EFEMP1: variants seen among roughly 807,000 people sequenced by gnomAD.
The protein encoded by EFEMP1 is EGF-containing fibulin-like extracellular matrix protein 1.
In EFEMP1, 18 loss-of-function variants were observed where a neutral mutation model predicts 65.7. The ratio of observed to expected loss-of-function variants is 0.27; its 90% CI spans 0.19 to 0.41. The LOEUF (loss-of-function observed/expected upper bound fraction) is 0.41. Among genes scored for constraint, EFEMP1 ranks in the 10% least tolerant of loss-of-function variants. The pLI is 1.00. For synonymous variants in EFEMP1, 237 were observed against 219.7 expected (o/e 1.08, Z -0.70); for missense variants, 469 against 624.8 (o/e 0.75, Z 2.66).
rs1670969711 is a variant in EFEMP1, at chr2:55,923,208, A to G, written c.-48-269T>C. On this transcript the variant is annotated intron_variant, in intron 1 of 11. Transcript: ENST00000355426. This position sits in a 1 kb window ranked among gnomAD's most constrained non-coding sequence, Gnocchi z 5.3. Reference sequence around the variant, plus strand: ...TTTGTCTTATCAGTCTGGGTCCCCGACACGCTACCTTCGGTTTCAGGCTGC... The same window carrying G: ...TTTGTCTTATCAGTCTGGGTCCCCGGCACGCTACCTTCGGTTTCAGGCTGC... Among the ~76,000 whole-genome samples the G allele has an allele frequency of 6.6e-6, 1 of 152,148 alleles. No homozygotes were observed. The highest frequency in any genetic ancestry group is 1.5e-5 in the Non-Finnish European group (1 of 68,034).
chr2:55,911,952 A>AT (rs907615336), intron 5 of EFEMP1, among the ~76,000 whole-genome samples: 17 of 152,052 alleles, frequency 1.1e-4, no homozygotes, highest in African/African-American at 2.7e-4. Context: ...ACAATGCTAG[A>AT]TTTTTTTTAG....
rs781280743 is a variant in EFEMP1 at position 55,918,101 on chromosome 2, A to C, written c.131-50T>G. Reference sequence around the variant, plus strand: ...AGGAATCTTCTAAGAGGGAAAAATCAAACATGTAAATATAATGCTCATGCC... The same window carrying C: ...AGGAATCTTCTAAGAGGGAAAAATCCAACATGTAAATATAATGCTCATGCC... On this transcript the variant is annotated intron_variant, in intron 4 of 11. Transcript: ENST00000355426. 2.3e-5 allele frequency: 37 copies of C among 1,613,800 alleles called. 1 individual carries two copies. In the South Asian group the frequency reaches 3.2e-4, roughly 14 times the overall value.
At chr2:55,884,139 T>C (rs984908968) in intron 5 of EFEMP1, among the ~76,000 whole-genome samples, 9 of 152,220 alleles carry the variant, frequency 5.9e-5, no homozygotes, top group African/African-American at 2.2e-4. Context: ...ATTTATCCTC[T>C]CCTTTGCTGT....
At chr2:55,908,795 AC>A (rs1670377741) in intron 5 of EFEMP1, among the ~76,000 whole-genome samples, 1 of 152,162 alleles carries the variant, frequency 6.6e-6, no homozygotes, top group African/African-American at 2.4e-5. Context: ...CACTTTCCCA[AC>A]CAAAGTGTAT....
At chr2:55,910,460 T>C (rs1305521536) in intron 5 of EFEMP1, among the ~76,000 whole-genome samples, 2 of 152,212 alleles carry the variant, frequency 1.3e-5, no homozygotes, top group Non-Finnish European at 2.9e-5. Flanking sequence ...GTTTACTCTT[T>C]GGTTTCAAAG....
chr2:55,910,018 G>A (rs1572841754), intron 5 of EFEMP1, among the ~76,000 whole-genome samples: 1 of 152,252 alleles, frequency 6.6e-6, no homozygotes, highest in South Asian at 2.1e-4. Flanking sequence ...TAGTTACCCT[G>A]GATGGGATAG....
In EFEMP1 at chr2:55,922,986, A is replaced by G; in HGVS notation, c.-48-47T>C. The G allele has an allele frequency of 1.0e-6, 1 of 1,004,882 alleles. No individual in the cohort carries two copies. The highest frequency in any genetic ancestry group is 1.2e-6 in the Non-Finnish European group (1 of 840,034). 62.2% of individuals were successfully genotyped at this position (1,004,882 alleles called of 1,614,324 possible). A position where few individuals can be genotyped will look rare whatever the true frequency, so the allele number is the denominator to read the frequency against. Reference sequence around the variant, plus strand: ...CTTGGCCTCAAGCTTTTTATTTTTTAAACAAAATAACAAAACAAAACTCGG... The same window carrying G: ...CTTGGCCTCAAGCTTTTTATTTTTTGAACAAAATAACAAAACAAAACTCGG... On this transcript the variant is annotated intron_variant, in intron 1 of 11. Transcript: ENST00000355426. This position sits in a 1 kb window ranked among gnomAD's most constrained non-coding sequence, Gnocchi z 5.5.
chr2:55,899,134 C>T (rs565267248), intron 5 of EFEMP1, among the ~76,000 whole-genome samples: 1 of 152,330 alleles, frequency 6.6e-6, no homozygotes, highest in Non-Finnish European at 1.5e-5. Flanking sequence ...TCCTAACTGG[C>T]TACCTGGTGG....
intron 4 of EFEMP1, 69 bp downstream of exon 4, chr2:55,918,150 C>T (rs1307146604): frequency 1.2e-6 from 2 of 1,612,418 alleles, no homozygotes; most frequent in Middle Eastern, 1.7e-4. Context: ...ACAGACAGGA[C>T]AGGAAGAGTG....
intron 3 of EFEMP1, among the ~76,000 whole-genome samples, chr2:55,920,719 T>C (rs1049264780): frequency 2.0e-5 from 3 of 152,222 alleles, no homozygotes; most frequent in African/African-American, 7.2e-5. Flanking sequence ...TATGTAGCCC[T>C]AAGCAAGTTA....
At chr2:55,874,306 G>A (rs1668937615) in intron 9 of EFEMP1, among the ~76,000 whole-genome samples, 1 of 151,346 alleles carries the variant, frequency 6.6e-6, no homozygotes. Flanking sequence ...ATGCAACATT[G>A]GAGGTAGGGT....
chr2:55,912,933 G>A (rs949202737), intron 5 of EFEMP1, among the ~76,000 whole-genome samples: 16 of 152,118 alleles, frequency 1.1e-4, no homozygotes, highest in African/African-American at 3.6e-4. Flanking sequence ...AGGTTCTAAT[G>A]TCCAGGCATC....
In EFEMP1 at chr2:55,923,298, C is replaced by T. The variant is rs746837792; in HGVS notation, c.-48-359G>A. On this transcript the variant is annotated intron_variant, in intron 1 of 11. Coordinates refer to ENST00000355426, the MANE Select transcript of EFEMP1 (RefSeq NM_001039348.3). This position sits in a 1 kb window ranked among gnomAD's most constrained non-coding sequence, Gnocchi z 5.3. ...CCAGTTTCGGGCGGGCGGCCTGGCC[C>T]GGCAGGGAGATGAGGTCCCCTTTCT... Among the ~76,000 whole-genome samples, 8 of 152,292 alleles carry T rather than the reference C, an allele frequency of 5.3e-5. No homozygotes were observed. The highest frequency in any genetic ancestry group is 1.9e-4 in the East Asian group (1 of 5,164).
intron 5 of EFEMP1, among the ~76,000 whole-genome samples, chr2:55,907,458 G>T (rs143082781): frequency 3.0e-4 from 46 of 152,228 alleles, no homozygotes; most frequent in African/African-American, 9.1e-4. Flanking sequence ...TTTACAAATT[G>T]TAAAAATACG....
intron 6 of EFEMP1, among the ~76,000 whole-genome samples, chr2:55,879,794 A>C (rs759740362): frequency 1.3e-5 from 2 of 152,202 alleles, no homozygotes; most frequent in Non-Finnish European, 2.9e-5. Context: ...CTGAGAGTAC[A>C]TGTTTAGAAA....
chr2:55,890,033 C>A (rs537818552), intron 5 of EFEMP1, among the ~76,000 whole-genome samples: 1 of 151,702 alleles, frequency 6.6e-6, no homozygotes, highest in Non-Finnish European at 1.5e-5. Context: ...CACTAAAAAC[C>A]AAAAATTGTC....
chr2:55,923,267 A>G lies in EFEMP1; in HGVS notation c.-48-328T>C, dbSNP rs2903838. Among the ~76,000 whole-genome samples, 58,199 of 152,028 alleles carry G rather than the reference A, an allele frequency of 0.38. 14,924 individuals carry two copies. The highest frequency in any genetic ancestry group is 0.73 in the African/African-American group (30,090 of 41,458). On this transcript the variant is annotated intron_variant, in intron 1 of 11. Coordinates refer to ENST00000355426, the MANE Select transcript of EFEMP1 (RefSeq NM_001039348.3). This position sits in a 1 kb window ranked among gnomAD's most constrained non-coding sequence, Gnocchi z 5.3. ...GGAACCAGGGATCGCACCGCAGCCC[A>G]AGGTACCAGTTTCGGGCGGGCGGCC...
At chr2:55,903,933 C>T (rs1406543149) in intron 5 of EFEMP1, among the ~76,000 whole-genome samples, 1 of 152,120 alleles carries the variant, frequency 6.6e-6, no homozygotes, top group Non-Finnish European at 1.5e-5. Context: ...CTCTCTTTCT[C>T]CCTCCCAGTT....
chr2:55,879,635 TG>T (rs752366864), intron 6 of EFEMP1, among the ~76,000 whole-genome samples: 20 of 152,132 alleles, frequency 1.3e-4, no homozygotes, highest in Non-Finnish European at 1.9e-4. Context: ...AAGACAGGCA[TG>T]AAACAAATTA....
Sources: allele counts gnomAD v4.1 joint callset (sites outside exome capture counted in the v4.1 genomes callset), GRCh38; gene constraint gnomAD v4.1.1; non-coding constraint Gnocchi (gnomAD v3.1); transcripts MANE v1.5; gene names NCBI Gene and HGNC (gene_info 2026-07-23, HGNC 2026-07-21).